The following SPATA18 variants were observed in gnomAD, a reference collection of about 807,000 sequenced individuals.
The protein encoded by SPATA18 is mitochondria-eating protein.
SPATA18 carries 54 observed loss-of-function variants against 68.1 expected under a neutral mutation model. The ratio of observed to expected loss-of-function variants is 0.79; its 90% CI spans 0.64 to 0.99. SPATA18 has a LOEUF of 0.99. SPATA18 is among the 50% of genes least tolerant of loss of function. The pLI, the probability that SPATA18 is intolerant of heterozygous loss-of-function variation, is 0.00. For missense variants in SPATA18, 724 were observed against 681.1 expected, an observed-to-expected ratio of 1.06 and a Z score of -0.70; for synonymous variants, 242 against 244.8, an observed-to-expected ratio of 0.99 and a Z score of 0.11.
chr4:52,080,285 C>T (rs543814628), intron 9 of SPATA18, among the ~76,000 whole-genome samples: 2 of 152,220 alleles, frequency 1.3e-5, no homozygotes, highest in East Asian at 3.9e-4. Flanking sequence ...ACTCAAGGTA[C>T]TTGTTAAAAA....
rs1210611947 is a variant in SPATA18 at position 52,096,775 on chromosome 4, C to T, written c.*1888C>T. On this transcript the variant is annotated 3_prime_UTR_variant, in exon 13 of 13. Coordinates refer to ENST00000295213, the MANE Select transcript of SPATA18 (RefSeq NM_145263.4). ...AATGTTTTAAACAAAAAAAAAAAAA[C>T]CTTACAGTCTTGCCCTGATTTACAC... 1 of 150,672 alleles carries T rather than the reference C, an allele frequency of 6.6e-6. No homozygotes were observed. The highest frequency in any genetic ancestry group is 1.5e-5 in the Non-Finnish European group (1 of 67,740). The allele number at this position is 150,672 out of a possible 1,614,324, so 9.3% of individuals were successfully genotyped here.
At chr4:52,077,179 C>T (rs1560599998) in intron 7 of SPATA18, 139 bp downstream of exon 7, 1 of 910,156 alleles carries the variant, frequency 1.1e-6, no homozygotes, top group South Asian at 1.9e-5. Flanking sequence ...CCATCTGTCT[C>T]CTTCCTTCTC....
At chr4:52,056,305 G>C (rs1316552550) in intron 1 of SPATA18, among the ~76,000 whole-genome samples, 2 of 152,144 alleles carry the variant, frequency 1.3e-5, no homozygotes, top group African/African-American at 4.8e-5. Flanking sequence ...CATTGTGTTT[G>C]AGAGCTCAGC....
chr4:52,087,734 G>A (rs996374050), intron 11 of SPATA18, among the ~76,000 whole-genome samples: 4 of 152,080 alleles, frequency 2.6e-5, no homozygotes, highest in Non-Finnish European at 4.4e-5. Flanking sequence ...TCTTGCCCAG[G>A]ATTGTCTTGG....
chr4:52,062,787 G>T (rs1271521764), intron 4 of SPATA18, among the ~76,000 whole-genome samples: 13 of 152,206 alleles, frequency 8.5e-5, no homozygotes, highest in Admixed American at 7.2e-4. Context: ...GCATCTATCA[G>T]TCCATTATAC....
At chr4:52,089,989 TAG>T (rs1014373414) in intron 11 of SPATA18, among the ~76,000 whole-genome samples, 1 of 152,214 alleles carries the variant, frequency 6.6e-6, no homozygotes, top group Admixed American at 6.5e-5. Flanking sequence ...CATATATATT[TAG>T]GATGGTTAGT....
At chr4:52,083,382 C>T in intron 10 of SPATA18, 1 of 985,338 alleles carries the variant, frequency 1.0e-6, no homozygotes, top group Non-Finnish European at 1.2e-6. Context: ...TTTAAAAGAA[C>T]TGAAGAAAAG....
At chr4:52,068,624 A>T (rs957788756) in intron 4 of SPATA18, among the ~76,000 whole-genome samples, 1 of 152,170 alleles carries the variant, frequency 6.6e-6, no homozygotes, top group East Asian at 1.9e-4. Context: ...ATTATTTCTT[A>T]GGCTGCTTCA....
At chr4:52,084,842 TG>T in intron 10 of SPATA18, 73 bp from the exon 11 acceptor site, 1 of 1,367,268 alleles carries the variant, frequency 7.3e-7, no homozygotes, top group Non-Finnish European at 1.0e-6. Context: ...CTGTGGGATA[TG>T]CATGTTGTTT....
At chr4:52,056,184 G>C (rs1295053164) in intron 1 of SPATA18, among the ~76,000 whole-genome samples, 1 of 151,958 alleles carries the variant, frequency 6.6e-6, no homozygotes, top group Non-Finnish European at 1.5e-5. Flanking sequence ...AATCTCATCT[G>C]TGCATGTGGC....
intron 4 of SPATA18, among the ~76,000 whole-genome samples, chr4:52,068,417 A>AGAG (rs1401695471): frequency 6.6e-6 from 1 of 152,212 alleles, no homozygotes; most frequent in African/African-American, 2.4e-5. Context: ...GCCCTCAAAT[A>AGAG]GTTTATAGTG....
intron 6 of SPATA18, among the ~76,000 whole-genome samples, chr4:52,074,486 A>G (rs913390924): frequency 6.6e-6 from 1 of 152,290 alleles, no homozygotes; most frequent in Admixed American, 6.5e-5. Flanking sequence ...AGGGAAGCAT[A>G]TGTGCAATGG....
intron 4 of SPATA18, among the ~76,000 whole-genome samples, chr4:52,064,371 T>C (rs1578158306): frequency 6.6e-6 from 1 of 152,226 alleles, no homozygotes; most frequent in East Asian, 1.9e-4. Flanking sequence ...TTGGTGCACC[T>C]GTCACCTGAG....
At position 52,079,135 on chromosome 4, in the gene SPATA18, A is replaced by C. The variant is rs538974515; in HGVS notation, c.1179+242A>C. ...TAGGCTGTTATGATCAGGAGATGGA[A>C]TATCATAGTTCTTAAGAGCAAGGAT... On this transcript the variant is annotated intron_variant, in intron 8 of 12. Transcript: ENST00000295213. 6.4e-4 allele frequency among the ~76,000 whole-genome samples: 98 copies of C among 152,230 alleles called. 1 individual carries two copies. Among genetic ancestry groups the C allele is most frequent in the Non-Finnish European group, 1.3e-3 (87 of 68,032 alleles).
In SPATA18 at chr4:52,072,019, G is replaced by T. The variant is rs967195164; in HGVS notation, c.621G>T (p.Lys207Asn). Residue 207 changes from lysine (K) to asparagine (N), a missense_variant, in exon 6 of 13, where the codon AAG becomes AAT. Coordinates refer to ENST00000295213, the MANE Select transcript of SPATA18 (RefSeq NM_145263.4). ...RSEPWSLEER[K>N]REQWNSLKQN... ...AGCCTTGGAGCTTGGAGGAGCGGAA[G>T]CGTGAGCAGTGGAACTCACTCAAGC... is the stretch of plus-strand genomic sequence containing the variant. 6.2e-7 allele frequency: 1 copy of T among 1,613,854 alleles called. No homozygotes were observed. The highest frequency in any genetic ancestry group is 1.3e-5 in the African/African-American group (1 of 74,848).
chr4:52,074,993 T>C (rs1376533925), intron 6 of SPATA18, among the ~76,000 whole-genome samples: 2 of 152,136 alleles, frequency 1.3e-5, no homozygotes, highest in African/African-American at 2.4e-5. Context: ...AGAGGCTTGG[T>C]TATAATCCAG....
In SPATA18 at chr4:52,094,864, C is replaced by T. The variant is rs763523786; in HGVS notation, c.1610-16C>T. The T allele has an allele frequency of 6.2e-7, 1 of 1,613,934 alleles. No homozygotes were observed. The highest frequency in any genetic ancestry group is 2.2e-5 in the East Asian group (1 of 44,876). On this transcript the variant is annotated splice_polypyrimidine_tract_variant and intron_variant, in intron 12 of 12. Transcript: ENST00000295213. Reference sequence around the variant, plus strand: ...GAAAGTGACCATAATAATGAACTGTCTATTTTTCTCCCTAGGATTTTAAAA... The same window carrying T: ...GAAAGTGACCATAATAATGAACTGTTTATTTTTCTCCCTAGGATTTTAAAA...
intron 9 of SPATA18, among the ~76,000 whole-genome samples, chr4:52,080,574 A>C (rs1161921458): frequency 6.6e-6 from 1 of 152,236 alleles, no homozygotes; most frequent in East Asian, 1.9e-4. Flanking sequence ...GGAAGAAATC[A>C]AGCTAGTGGT....
chr4:52,051,652 T>C lies in SPATA18; in HGVS notation c.-53T>C. 1.9e-6 allele frequency: 3 copies of C among 1,569,404 alleles called. No individual in the cohort carries two copies. Among genetic ancestry groups the C allele is most frequent in the Non-Finnish European group, 8.8e-7 (1 of 1,139,348 alleles). ...CCACGGTCCTGCGGAGGCCACCGCC[T>C]GGTCCCCCCAAGTCTCCATCGCGCA... On this transcript the variant is annotated 5_prime_UTR_variant, in exon 1 of 13. Transcript: ENST00000295213.
Sources: allele counts gnomAD v4.1 joint callset (sites outside exome capture counted in the v4.1 genomes callset), GRCh38; gene constraint gnomAD v4.1.1; transcripts MANE v1.5; gene names NCBI Gene and HGNC (gene_info 2026-07-23, HGNC 2026-07-21).